Variants in ITM2C observed in about 807,000 individuals in gnomAD.
The protein encoded by ITM2C is integral membrane protein 2C.
A neutral mutation model predicts 30.0 loss-of-function variants in ITM2C; 20 were observed. The ratio of observed to expected loss-of-function variants is 0.67; its 90% CI spans 0.47 to 0.97. ITM2C has a LOEUF of 0.97. Among genes scored for constraint, ITM2C ranks in the 50% least tolerant of loss-of-function variants. ITM2C has a pLI of 0.00. For synonymous variants in ITM2C, 167 were observed against 156.4 expected (o/e 1.07, Z -0.51); for missense variants, 366 against 371.9 (o/e 0.98, Z 0.13).
intron 1 of ITM2C, among the ~76,000 whole-genome samples, chr2:230,868,444 AC>A (rs1261840666): frequency 5.2e-5 from 7 of 135,126 alleles, no homozygotes; most frequent in Non-Finnish European, 1.1e-4. Flanking sequence ...TTCTCCCCAC[AC>A]CCTGCCTGTG....
At chr2:230,874,456 C>CCT (rs1697240416) in intron 2 of ITM2C, among the ~76,000 whole-genome samples, 1 of 152,140 alleles carries the variant, frequency 6.6e-6, no homozygotes, top group African/African-American at 2.4e-5. Context: ...CTGTTGTGGC[C>CCT]CTACCCTAGG....
rs572647730 is a variant in ITM2C at position 230,871,794 on chromosome 2, G to A, written c.121-1623G>A. 3.5e-4 allele frequency among the ~76,000 whole-genome samples: 53 copies of A among 152,336 alleles called. No individual in the cohort carries two copies. In the South Asian group the frequency reaches 0.011, roughly 32 times the overall value. On this transcript the variant is annotated intron_variant, in intron 1 of 5. Transcript: ENST00000326427. ...CTGCTCACGCATGTCCGCAGTGAAG[G>A]GGGGGTCCTCCAGACATTTTCTGTC...
Position 230,864,950 on chromosome 2 carries a change from A to G in ITM2C, c.-76A>G. 7.5e-7 allele frequency: 1 copy of G among 1,327,774 alleles called. No homozygotes were observed. Among genetic ancestry groups the G allele is most frequent in the Non-Finnish European group, 9.7e-7 (1 of 1,029,318 alleles). The allele number at this position is 1,327,774 out of a possible 1,614,324, so 82.2% of individuals were successfully genotyped here. A position where few individuals can be genotyped will look rare whatever the true frequency, so the allele number is the denominator to read the frequency against. On this transcript the variant is annotated 5_prime_UTR_variant, in exon 1 of 6. Coordinates refer to ENST00000326427, the MANE Select transcript of ITM2C (RefSeq NM_030926.6). This position sits in a 1 kb window ranked among gnomAD's most constrained non-coding sequence, Gnocchi z 4.3. Reference sequence around the variant, plus strand: ...GGATCCAAACTTCCGGTGCCTGCAGAGCTCGGAGCGGCGGAGGCAGAGACC... The same window carrying G: ...GGATCCAAACTTCCGGTGCCTGCAGGGCTCGGAGCGGCGGAGGCAGAGACC...
At position 230,878,320 on chromosome 2, in the gene ITM2C, A is replaced by G; in HGVS notation, c.*221A>G. 1 of 355,746 alleles carries G rather than the reference A, an allele frequency of 2.8e-6. No individual in the cohort carries two copies. The highest frequency in any genetic ancestry group is 5.1e-6 in the Non-Finnish European group (1 of 196,650). 22.0% of individuals were successfully genotyped at this position (355,746 alleles called of 1,614,324 possible). ...GCTGACCTGGGTGTGGCGGAGGGAG[A>G]GGCGATGCTGCAAAGTGTTTTCTGT... On this transcript the variant is annotated 3_prime_UTR_variant, in exon 6 of 6. Coordinates refer to ENST00000326427, the MANE Select transcript of ITM2C (RefSeq NM_030926.6). This position sits in a 1 kb window ranked among gnomAD's most constrained non-coding sequence, Gnocchi z 4.5.
In ITM2C at chr2:230,879,177, G is replaced by C. The variant is rs1316658611; in HGVS notation, c.*1078G>C. 1 of 152,626 alleles carries C rather than the reference G, an allele frequency of 6.6e-6. No homozygotes were observed. Among genetic ancestry groups the C allele is most frequent in the East Asian group, 1.9e-4 (1 of 5,186 alleles). 9.5% of individuals were successfully genotyped at this position (152,626 alleles called of 1,614,324 possible). A position where few individuals can be genotyped will look rare whatever the true frequency, so the allele number is the denominator to read the frequency against. On this transcript the variant is annotated 3_prime_UTR_variant, in exon 6 of 6. Transcript: ENST00000326427. ...GTCTCTGGGGATGAAACTCTTAAAT[G>C]CTTTGTATATTTTCTCAATTAGATC...
chr2:230,866,956 C>T (rs1485901752), intron 1 of ITM2C, among the ~76,000 whole-genome samples: 6 of 152,194 alleles, frequency 3.9e-5, no homozygotes, highest in Non-Finnish European at 8.8e-5. Context: ...ACCTGCATCT[C>T]GGGGCATAAC....
At chr2:230,871,896 T>C (rs1697174906) in intron 1 of ITM2C, among the ~76,000 whole-genome samples, 1 of 152,104 alleles carries the variant, frequency 6.6e-6, no homozygotes, top group African/African-American at 2.4e-5. Flanking sequence ...TCTAAAAGGG[T>C]GGGAGGTGAA....
At chr2:230,876,323 C>T (rs1022325293) in intron 3 of ITM2C, among the ~76,000 whole-genome samples, 1 of 152,182 alleles carries the variant, frequency 6.6e-6, no homozygotes, top group Non-Finnish European at 1.5e-5. Context: ...TAGCAATCAG[C>T]TGCTATTTTC....
In ITM2C at chr2:230,875,620, C is replaced by A. The variant is rs759768612; in HGVS notation, c.262C>A (p.Leu88Met). The change falls in exon 3 of 6, where the codon CTG becomes ATG. Residue 88 changes from leucine to methionine, a missense_variant and splice_region_variant. Physicochemically the swap from Leu to Met is conservative, Grantham distance 15 (BLOSUM62 2). Transcript: ENST00000326427. ...YIYRYFFLAQ[L>M]ARDNFFRCGV... ...CTGTCTGTCTCTCCGCCTTGCTCAG[C>A]TGGCCCGAGATAACTTCTTCCGCTG... 19 of 1,596,776 alleles carry A rather than the reference C, an allele frequency of 1.2e-5. No homozygotes were observed. Among genetic ancestry groups the A allele is most frequent in the Non-Finnish European group, 1.5e-5 (17 of 1,170,798 alleles).
chr2:230,876,350 C>G (rs1357011476), intron 3 of ITM2C, among the ~76,000 whole-genome samples: 1 of 152,208 alleles, frequency 6.6e-6, no homozygotes, highest in African/African-American at 2.4e-5. Context: ...CATGTGGCAC[C>G]TTCTACAACA....
At position 230,872,044 on chromosome 2, in the gene ITM2C, A is replaced by G. The variant is rs147290356; in HGVS notation, c.121-1373A>G. ...AAAGGAAATCTGTTCCCATCCCAGA[A>G]CGCCTGGCCGGAAAGGGCCTGAGAG... is the stretch of plus-strand genomic sequence containing the variant. On this transcript the variant is annotated intron_variant, in intron 1 of 5. Coordinates refer to ENST00000326427, the MANE Select transcript of ITM2C (RefSeq NM_030926.6). Among the ~76,000 whole-genome samples, 544 of 152,278 alleles carry G rather than the reference A, an allele frequency of 3.6e-3. 4 individuals carry two copies. The highest frequency in any genetic ancestry group is 0.012 in the African/African-American group (517 of 41,560).
At chr2:230,868,269 T>C (rs1378436420) in intron 1 of ITM2C, among the ~76,000 whole-genome samples, 1 of 151,852 alleles carries the variant, frequency 6.6e-6, no homozygotes, top group African/African-American at 2.4e-5. Context: ...CCCCCCCTGG[T>C]GTTTTGACTC....
At chr2:230,870,945 A>G (rs1329355007) in intron 1 of ITM2C, among the ~76,000 whole-genome samples, 4 of 152,086 alleles carry the variant, frequency 2.6e-5, no homozygotes, top group African/African-American at 4.8e-5. Context: ...TCCAGAATGC[A>G]GAAGCAAAAG....
rs1697149964 is a variant in ITM2C, at chr2:230,870,928, C to T, written c.121-2489C>T. 3.9e-5 allele frequency among the ~76,000 whole-genome samples: 6 copies of T among 152,052 alleles called. 1 individual carries two copies. Among genetic ancestry groups the T allele is most frequent in the Admixed American group, 3.9e-4 (6 of 15,272 alleles). On this transcript the variant is annotated intron_variant, in intron 1 of 5. Coordinates refer to ENST00000326427, the MANE Select transcript of ITM2C (RefSeq NM_030926.6). ...TTAGCAATCTCACAAGCTAGTTTCC[C>T]TGGTTTTCCAGAATGCAGAAGCAAA...
At chr2:230,875,890 A>G in intron 3 of ITM2C, 82 bp downstream of exon 3, 3 of 1,171,872 alleles carry the variant, frequency 2.6e-6, no homozygotes, top group South Asian at 3.0e-5. Flanking sequence ...ATGAAAGGAG[A>G]CTCCTCGGAG....
At chr2:230,866,131 G>C (rs893872870) in intron 1 of ITM2C, among the ~76,000 whole-genome samples, 6 of 152,228 alleles carry the variant, frequency 3.9e-5, no homozygotes, top group Non-Finnish European at 2.9e-5. Flanking sequence ...GGGAGGGAGA[G>C]CTGGCCCAGC....
rs536016479 is a variant in ITM2C at position 230,871,697 on chromosome 2, G to A, written c.121-1720G>A. Among the ~76,000 whole-genome samples, 6 of 152,350 alleles carry A rather than the reference G, an allele frequency of 3.9e-5. No homozygotes were observed. In the South Asian group the frequency reaches 8.3e-4, roughly 21 times the overall value. On this transcript the variant is annotated intron_variant, in intron 1 of 5. Transcript: ENST00000326427. ...ACACCCACCCAGCAGGCTCCCTTGC[G>A]GGCAGACTTGAGTGTGAGGGTGCAG... is the stretch of plus-strand genomic sequence containing the variant.
At chr2:230,869,353 GC>G (rs1434522332) in intron 1 of ITM2C, among the ~76,000 whole-genome samples, 1 of 152,196 alleles carries the variant, frequency 6.6e-6, no homozygotes, top group Non-Finnish European at 1.5e-5. Flanking sequence ...TGGCATCTGT[GC>G]CTCTGGACCA....
intron 1 of ITM2C, among the ~76,000 whole-genome samples, chr2:230,871,410 C>T (rs1187404949): frequency 6.6e-6 from 1 of 152,260 alleles, no homozygotes; most frequent in Non-Finnish European, 1.5e-5. Flanking sequence ...TCACCCCCGT[C>T]TCTTGCTGCT....
Sources: gnomAD v4.1 joint callset for allele counts (sites outside exome capture counted in the v4.1 genomes callset) on GRCh38, gnomAD v4.1.1 for gene constraint, Gnocchi (gnomAD v3.1) non-coding constraint, MANE v1.5 for transcripts, NCBI Gene and HGNC (gene_info 2026-07-23, HGNC 2026-07-21) for gene names.